Variants in HNRNPUL2 observed in about 807,000 individuals in gnomAD.
HNRNPUL2 encodes the protein heterogeneous nuclear ribonucleoprotein U-like protein 2.
Under a neutral mutation model 102.2 loss-of-function variants are expected in HNRNPUL2, and 27 were observed. That is an observed-to-expected ratio of 0.26 (90% CI 0.19 to 0.36). HNRNPUL2 has a LOEUF of 0.36. Ranked by LOEUF, HNRNPUL2 falls within the 10% of genes least tolerant of loss-of-function variation. The pLI, the probability that HNRNPUL2 is intolerant of heterozygous loss-of-function variation, is 1.00. For missense variants in HNRNPUL2, 936 were observed against 981.1 expected, an observed-to-expected ratio of 0.95 and a Z score of 0.61; for synonymous variants, 458 against 387.2, an observed-to-expected ratio of 1.18 and a Z score of -2.15.
Position 62,726,677 on chromosome 11 carries a change from C to G in HNRNPUL2, c.480G>C (p.Arg160=), listed in dbSNP as rs1027484191. Residue 160 remains arginine, a synonymous_variant, in exon 1 of 14, where the codon CGG becomes CGC. Coordinates refer to ENST00000301785, the MANE Select transcript of HNRNPUL2 (RefSeq NM_001079559.3). ...GKREEDEPEE[R]SGDETPGSEV... ...CGGATCCCGGCGTCTCGTCCCCGCTCCGCTCCTCGGGTTCGTCTTCCTCCC... is the reference window on the plus strand; with the variant it reads ...CGGATCCCGGCGTCTCGTCCCCGCTGCGCTCCTCGGGTTCGTCTTCCTCCC... 42 of 1,599,974 alleles carry G rather than the reference C, an allele frequency of 2.6e-5. No individual in the cohort carries two copies. The highest frequency in any genetic ancestry group is 3.4e-5 in the Non-Finnish European group (40 of 1,179,416).
intron 1 of HNRNPUL2, among the ~76,000 whole-genome samples, chr11:62,725,442 C>T (rs2134783246): frequency 6.6e-6 from 1 of 152,344 alleles, no homozygotes; most frequent in East Asian, 1.9e-4. Flanking sequence ...TCAGGTGATC[C>T]ACCCGCCTGG....
chr11:62,724,232 C>A, intron 2 of HNRNPUL2, 59 bp downstream of exon 2: 2 of 1,605,454 alleles, frequency 1.2e-6, no homozygotes, highest in Non-Finnish European at 1.7e-6. Context: ...CCAGTCAATA[C>A]CAGGTATACC....
chr11:62,721,555 C>T (rs2083703248), intron 8 of HNRNPUL2, 132 bp from the exon 9 acceptor site: 1 of 922,224 alleles, frequency 1.1e-6, no homozygotes, highest in Admixed American at 2.6e-5. Context: ...TCCCATTCTT[C>T]AGTGCTGTGA....
Position 62,721,378 on chromosome 11 carries a change from G to A in HNRNPUL2, c.1528C>T (p.Leu510Phe), listed in dbSNP as rs2134776730. Residue 510 changes from leucine to phenylalanine, a missense_variant, in exon 9 of 14, where the codon CTT becomes TTT. Leu to Phe is a conservative substitution (Grantham distance 22, BLOSUM62 0). This residue lies in a region of HNRNPUL2 where 609 missense variants were observed against 713.0 expected (regional missense o/e 0.85). Transcript: ENST00000301785. ...CACTGGGAGGCTTGCTGAACTAAAA[G>A]GTCTCGGCTTTTGGGGTCCATCTCT... ...EPEMDPKSRD[L>F]LVQQASQCLS... is the part of the protein sequence containing the mutation. The A allele has an allele frequency of 6.2e-7, 1 of 1,609,814 alleles. No individual in the cohort carries two copies. Among genetic ancestry groups the A allele is most frequent in the Non-Finnish European group, 8.5e-7 (1 of 1,178,576 alleles).
chr11:62,717,045 C>T lies in HNRNPUL2; in HGVS notation c.1925G>A (p.Arg642His), dbSNP rs202076141. Reference protein sequence around the residue: ...LLPPSEKRTNRRNNRNKRNRQ... With the variant: ...LLPPSEKRTNHRNNRNKRNRQ... ...GTTACGCTTGTTTCGGTTGTTTCGG[C>T]GATTTGTCCGCTTCTCGGAGGGGGG... The change falls in exon 11 of 14, where the codon CGC (arginine) becomes CAC (histidine). Residue 642 changes from arginine (R) to histidine (H), a missense_variant. Arg to His is a conservative substitution (Grantham distance 29). Around this residue, in one of 2 missense-constraint regions of HNRNPUL2, gnomAD observed 609 missense variants for 713.0 expected, o/e 0.85. Coordinates refer to ENST00000301785, the MANE Select transcript of HNRNPUL2 (RefSeq NM_001079559.3). 7 of 1,613,816 alleles carry T rather than the reference C, an allele frequency of 4.3e-6. No individual in the cohort carries two copies. Among genetic ancestry groups the T allele is most frequent in the Admixed American group, 1.7e-5 (1 of 59,968 alleles).
Position 62,727,018 on chromosome 11 carries a change from C to A in HNRNPUL2, c.139G>T (p.Gly47Cys), listed in dbSNP as rs1290870539. 1.5e-6 allele frequency: 2 copies of A among 1,375,530 alleles called. No homozygotes were observed. Among genetic ancestry groups the A allele is most frequent in the Non-Finnish European group, 9.4e-7 (1 of 1,064,910 alleles). The allele number at this position is 1,375,530 out of a possible 1,614,324, so 85.2% of individuals were successfully genotyped here. A position where few individuals can be genotyped will look rare whatever the true frequency, so the allele number is the denominator to read the frequency against. Reference protein sequence around the residue: ...LDAEMLEDEAGGGGAGPGGAC... With the variant: ...LDAEMLEDEACGGGAGPGGAC... ...CCGCCGGGCCCGGCCCCGCCGCCGC[C>A]GGCCTCGTCCTCGAGCATCTCGGCG... The change falls in exon 1 of 14, where the codon GGC becomes TGC. Residue 47 changes from glycine (G) to cysteine (C), a missense_variant. Gly to Cys is a radical substitution (Grantham distance 159, BLOSUM62 -3). Coordinates refer to ENST00000301785, the MANE Select transcript of HNRNPUL2 (RefSeq NM_001079559.3).
intron 10 of HNRNPUL2, 86 bp from the exon 11 acceptor site, chr11:62,717,275 G>C: frequency 1.0e-6 from 1 of 964,802 alleles, no homozygotes; most frequent in Admixed American, 2.4e-5. Context: ...AGAAGCATAT[G>C]ACTTTCTATG....
At chr11:62,719,438 G>A (rs1008222776) in intron 10 of HNRNPUL2, among the ~76,000 whole-genome samples, 2 of 152,196 alleles carry the variant, frequency 1.3e-5, no homozygotes, top group African/African-American at 4.8e-5. Flanking sequence ...GCAACAGGGT[G>A]AGACTCTGTC....
Position 62,714,732 on chromosome 11 carries a change from A to G in HNRNPUL2, c.*567T>C, listed in dbSNP as rs940128844. 6 of 152,738 alleles carry G rather than the reference A, an allele frequency of 3.9e-5. No individual in the cohort carries two copies. Among genetic ancestry groups the G allele is most frequent in the African/African-American group, 1.4e-4 (6 of 41,460 alleles). 9.5% of individuals were successfully genotyped at this position (152,738 alleles called of 1,614,324 possible). On this transcript the variant is annotated 3_prime_UTR_variant, in exon 14 of 14. Coordinates refer to ENST00000301785, the MANE Select transcript of HNRNPUL2 (RefSeq NM_001079559.3). ...ATATCCCAAAAGGGAAAGGTCGGTA[A>G]AGAAAATACAAACGGTTAGTTGGTG...
intron 12 of HNRNPUL2, 31 bp downstream of exon 12, chr11:62,715,833 G>C (rs2083656018): frequency 4.4e-6 from 7 of 1,600,022 alleles, no homozygotes; most frequent in African/African-American, 1.3e-5. Context: ...TCACAGCCCA[G>C]AGTGAGGAGC....
Position 62,726,670 on chromosome 11 carries a change from C to T in HNRNPUL2, c.487G>A (p.Asp163Asn). The change falls in exon 1 of 14, where the codon GAC becomes AAC. Residue 163 changes from aspartate to asparagine, a missense_variant. Asp to Asn is a conservative substitution (Grantham distance 23). Around this residue, in one of 2 missense-constraint regions of HNRNPUL2, gnomAD observed 327 missense variants for 268.1 expected, o/e 1.22. Coordinates refer to ENST00000301785, the MANE Select transcript of HNRNPUL2 (RefSeq NM_001079559.3). ...EEDEPEERSG[D>N]ETPGSEVPGD... is the part of the protein sequence containing the mutation. ...GGCACCTCGGATCCCGGCGTCTCGT[C>T]CCCGCTCCGCTCCTCGGGTTCGTCT... The T allele has an allele frequency of 1.3e-6, 2 of 1,599,854 alleles. No individual in the cohort carries two copies. The highest frequency in any genetic ancestry group is 1.7e-4 in the Middle Eastern group (1 of 6,056).
At chr11:62,726,439 G>A (rs1024314309) in intron 1 of HNRNPUL2, among the ~76,000 whole-genome samples, 180 bp downstream of exon 1, 1 of 152,240 alleles carries the variant, frequency 6.6e-6, no homozygotes, top group African/African-American at 2.4e-5. Flanking sequence ...CCTGCAAAGA[G>A]TAGGGCCACG....
Position 62,721,375 on chromosome 11 carries a change from A to G in HNRNPUL2, c.1531T>C (p.Leu511=), listed in dbSNP as rs747792799. The G allele has an allele frequency of 1.2e-6, 2 of 1,610,426 alleles. No individual in the cohort carries two copies. The highest frequency in any genetic ancestry group is 1.7e-6 in the Non-Finnish European group (2 of 1,178,802). ...PEMDPKSRDL[L]VQQASQCLSK... ...AGGCACTGGGAGGCTTGCTGAACTA[A>G]AAGGTCTCGGCTTTTGGGGTCCATC... is the stretch of plus-strand genomic sequence containing the variant. The change falls in exon 9 of 14, where the codon TTA becomes CTA. Residue 511 remains leucine (L), a synonymous_variant. Coordinates refer to ENST00000301785, the MANE Select transcript of HNRNPUL2 (RefSeq NM_001079559.3).
In HNRNPUL2 at chr11:62,726,794, G is replaced by A. The variant is rs1220481503; in HGVS notation, c.363C>T (p.Ala121=). 3 of 1,597,362 alleles carry A rather than the reference G, an allele frequency of 1.9e-6. No individual in the cohort carries two copies. The highest frequency in any genetic ancestry group is 1.1e-5 in the South Asian group (1 of 90,696). The change falls in exon 1 of 14, where the codon GCC becomes GCT. Residue 121 remains alanine, a synonymous_variant. Coordinates refer to ENST00000301785, the MANE Select transcript of HNRNPUL2 (RefSeq NM_001079559.3). ...PEPPEAAAME[A]AAEPDASEKP... ...TCTCGGAAGCATCTGGCTCGGCCGC[G>A]GCCTCCATGGCTGCCGCCTCCGGGG...
chr11:62,715,293 G>A lies in HNRNPUL2; in HGVS notation c.*6C>T. ...TCATGGCTGACAGGTGACCATGGCAGGGGCTTCACCGATACCCTTGGTACC... is the reference window on the plus strand; with the variant it reads ...TCATGGCTGACAGGTGACCATGGCAAGGGCTTCACCGATACCCTTGGTACC... On this transcript the variant is annotated 3_prime_UTR_variant, in exon 14 of 14. Transcript: ENST00000301785. The A allele has an allele frequency of 1.2e-6, 2 of 1,609,770 alleles. No homozygotes were observed. Among genetic ancestry groups the A allele is most frequent in the South Asian group, 2.2e-5 (2 of 90,904 alleles).
Position 62,722,601 on chromosome 11 carries a change from A to G in HNRNPUL2, c.1095T>C (p.Ala365=), listed in dbSNP as rs1443466436. 1 of 1,611,866 alleles carries G rather than the reference A, an allele frequency of 6.2e-7. No individual in the cohort carries two copies. The highest frequency in any genetic ancestry group is 8.5e-7 in the Non-Finnish European group (1 of 1,177,926). The change falls in exon 6 of 14, where the codon GCT becomes GCC. Residue 365 remains alanine (A), a splice_region_variant and synonymous_variant. Transcript: ENST00000301785. ...FGENDVIGCF[A]NFETEEVELS... is the part of the protein sequence containing the mutation. The stretch of plus-strand genomic sequence containing the variant: ...ACCCACAACTTTCAGGAGCACTTAC[A>G]GCAAAGCAGCCAATAACATCATTCT...
rs765130850 is a variant in HNRNPUL2, at chr11:62,722,582, A to G, written c.1095+19T>C. The G allele has an allele frequency of 6.3e-7, 1 of 1,592,054 alleles. No homozygotes were observed. Among genetic ancestry groups the G allele is most frequent in the South Asian group, 1.1e-5 (1 of 90,658 alleles). ...CTATCCGCTCCTTGTTATAACCCAC[A>G]ACTTTCAGGAGCACTTACAGCAAAG... On this transcript the variant is annotated intron_variant, in intron 6 of 13. Transcript: ENST00000301785.
At position 62,720,697 on chromosome 11, in the gene HNRNPUL2, T is replaced by C. The variant is rs1337263027; in HGVS notation, c.1612-506A>G. 3.3e-5 allele frequency among the ~76,000 whole-genome samples: 5 copies of C among 151,702 alleles called. No individual in the cohort carries two copies. In the East Asian group the frequency reaches 9.7e-4, roughly 29 times the overall value. ...GGCTAACACGATGAAACCCTGTCTC[T>C]ACTAAAAATACAAAAAATTAGCCAG... On this transcript the variant is annotated intron_variant, in intron 9 of 13. Coordinates refer to ENST00000301785, the MANE Select transcript of HNRNPUL2 (RefSeq NM_001079559.3).
intron 1 of HNRNPUL2, among the ~76,000 whole-genome samples, chr11:62,724,897 T>C (rs933375526): frequency 6.6e-6 from 1 of 152,238 alleles, no homozygotes; most frequent in Non-Finnish European, 1.5e-5. Context: ...TTCCCTTTCC[T>C]GCACTGAAAT....
Sources: gnomAD v4.1 joint callset for allele counts (sites outside exome capture counted in the v4.1 genomes callset) on GRCh38, gnomAD v4.1.1 for gene constraint, gnomAD v4.1.1 regional missense constraint, MANE v1.5 for transcripts, NCBI Gene and HGNC (gene_info 2026-07-23, HGNC 2026-07-21) for gene names.